Variants in CELF2 observed in about 807,000 individuals in gnomAD.
The protein encoded by CELF2 is CUGBP Elav-like family member 2.
In CELF2, 8 loss-of-function variants were observed where a neutral mutation model predicts 62.6. The ratio of observed to expected loss-of-function variants is 0.13; its 90% CI spans 0.07 to 0.23. CELF2 has a LOEUF of 0.23. CELF2 is among the 10% of genes least tolerant of loss of function. The pLI, the probability that CELF2 is intolerant of heterozygous loss-of-function variation, is 1.00. For synonymous variants in CELF2, 258 were observed against 250.0 expected, an observed-to-expected ratio of 1.03 and a Z score of -0.30; for missense variants, 333 against 671.0, an observed-to-expected ratio of 0.50 and a Z score of 5.56.
the CELF2 span, among the ~76,000 whole-genome samples, chr10:10,546,070 A>C: frequency 6.6e-6 from 1 of 152,186 alleles, no homozygotes; most frequent in East Asian, 1.9e-4. Context: ...AATCAGGAAA[A>C]GAAATCTGAC....
chr10:11,063,071 C>T (rs918849499), intron 1 of CELF2, among the ~76,000 whole-genome samples: 1 of 152,166 alleles, frequency 6.6e-6, no homozygotes, highest in Non-Finnish European at 1.5e-5. Context: ...CATTAAGATA[C>T]GTACTTTTTA....
chr10:10,518,412 T>C, the CELF2 span, among the ~76,000 whole-genome samples: 1 of 152,190 alleles, frequency 6.6e-6, no homozygotes, highest in Admixed American at 6.5e-5. Context: ...GGAGATTGTA[T>C]TTCACCTTCC....
At chr10:10,752,692 A>AAT in the CELF2 span, among the ~76,000 whole-genome samples, 1 of 145,402 alleles carries the variant, frequency 6.9e-6, no homozygotes, top group Non-Finnish European at 1.5e-5. Context: ...CCGTCTCAAA[A>AAT]AAAAAAAAAA....
chr10:10,542,927 T>C, the CELF2 span, among the ~76,000 whole-genome samples: 1 of 152,202 alleles, frequency 6.6e-6, no homozygotes, highest in Admixed American at 6.5e-5. Flanking sequence ...ATTTTTATAT[T>C]AATATATGAC....
At chr10:10,809,256 C>T (rs901300922) in intron 1 of CELF2, among the ~76,000 whole-genome samples, 14 of 152,178 alleles carry the variant, frequency 9.2e-5, no homozygotes, top group African/African-American at 3.4e-4. Context: ...AAGGTGCTGT[C>T]TGCAAGCCAG....
chr10:11,069,922 G>A (rs546487514), intron 1 of CELF2, among the ~76,000 whole-genome samples: 1 of 152,308 alleles, frequency 6.6e-6, no homozygotes, highest in African/African-American at 2.4e-5. Context: ...TTTGTAAGGT[G>A]GATATATTCC....
Position 11,237,532 on chromosome 10 carries a change from C to G in CELF2, c.355-11621C>G, listed in dbSNP as rs1289399193. Among the ~76,000 whole-genome samples the G allele has an allele frequency of 6.6e-6, 1 of 152,194 alleles. No individual in the cohort carries two copies. The highest frequency in any genetic ancestry group is 6.5e-5 in the Admixed American group (1 of 15,278). The stretch of plus-strand genomic sequence containing the variant: ...GAAGATCCAGGTGAGGAGACTTGTT[C>G]CCAATTTGAGGCCAGCACATGTACC... On this transcript the variant is annotated intron_variant, in intron 3 of 12. Coordinates refer to ENST00000633077, the MANE Select transcript of CELF2 (RefSeq NM_001326342.2). The surrounding 1 kb of genome is among the most constrained non-coding windows in gnomAD (Gnocchi z 4.0).
At chr10:11,081,095 AG>A (rs1459913229) in intron 1 of CELF2, among the ~76,000 whole-genome samples, 1 of 151,394 alleles carries the variant, frequency 6.6e-6, no homozygotes, top group Non-Finnish European at 1.5e-5. Flanking sequence ...ATTTGGGGAT[AG>A]GGGGCAATTC....
Position 11,165,657 on chromosome 10 carries a change from G to C in CELF2, c.246G>C (p.Arg82=). The C allele has an allele frequency of 1.2e-6, 2 of 1,613,896 alleles. No individual in the cohort carries two copies. Among genetic ancestry groups the C allele is most frequent in the South Asian group, 2.2e-5 (2 of 91,076 alleles). Reference sequence around the variant, plus strand: ...ACCAGATCAACGTCCTCCGGGACCGGAGTCAGAACCCTCCGCAGAGTAAAG... The same window carrying C: ...ACCAGATCAACGTCCTCCGGGACCGCAGTCAGAACCCTCCGCAGAGTAAAG... ...AVYQINVLRD[R]SQNPPQSKGC... The change falls in exon 2 of 13, where the codon CGG becomes CGC. Residue 82 remains arginine, a synonymous_variant. Coordinates refer to ENST00000633077, the MANE Select transcript of CELF2 (RefSeq NM_001326342.2). This position sits in a 1 kb window ranked among gnomAD's most constrained non-coding sequence, Gnocchi z 7.4.
At chr10:11,236,308 AT>A (rs1229405320) in intron 3 of CELF2, among the ~76,000 whole-genome samples, 2 of 152,228 alleles carry the variant, frequency 1.3e-5, no homozygotes, top group African/African-American at 2.4e-5. Flanking sequence ...TTAGAGGGGT[AT>A]TCTTGTGGTG....
rs949705424 is a variant in CELF2, at chr10:11,117,593, A to T, written c.75-47893A>T. 6.6e-6 allele frequency among the ~76,000 whole-genome samples: 1 copy of T among 152,214 alleles called. No homozygotes were observed. Among genetic ancestry groups the T allele is most frequent in the South Asian group, 2.1e-4 (1 of 4,834 alleles). On this transcript the variant is annotated intron_variant, in intron 1 of 12. Transcript: ENST00000633077. This position sits in a 1 kb window ranked among gnomAD's most constrained non-coding sequence, Gnocchi z 4.1. Reference sequence around the variant, plus strand: ...TCTGACTCCATAATATTTATGATAAAAACAAAAACCACGTGTGTGATGGTA... The same window carrying T: ...TCTGACTCCATAATATTTATGATAATAACAAAAACCACGTGTGTGATGGTA...
intron 1 of CELF2, among the ~76,000 whole-genome samples, chr10:10,851,813 A>G (rs2059400690): frequency 6.6e-6 from 1 of 152,204 alleles, no homozygotes; most frequent in South Asian, 2.1e-4. Flanking sequence ...CATATTACCA[A>G]AGAAGGCATA....
At position 11,267,102 on chromosome 10, in the gene CELF2, G is replaced by A. The variant is rs1169717040; in HGVS notation, c.618+425G>A. Among the ~76,000 whole-genome samples, 6 of 152,172 alleles carry A rather than the reference G, an allele frequency of 3.9e-5. No individual in the cohort carries two copies. Among genetic ancestry groups the A allele is most frequent in the Non-Finnish European group, 7.4e-5 (5 of 68,024 alleles). ...CTGTGCTAAGTCCCAGGGTTCTTTC[G>A]TTTGTACAGGGTCAAGTTATCTTCC... On this transcript the variant is annotated intron_variant, in intron 6 of 12. Coordinates refer to ENST00000633077, the MANE Select transcript of CELF2 (RefSeq NM_001326342.2). This position sits in a 1 kb window ranked among gnomAD's most constrained non-coding sequence, Gnocchi z 4.4.
intron 1 of CELF2, among the ~76,000 whole-genome samples, chr10:10,883,358 A>G (rs1211681125): frequency 1.3e-5 from 2 of 152,236 alleles, no homozygotes; most frequent in African/African-American, 2.4e-5. Context: ...TGAGAAGTAC[A>G]GCATTTTTCG....
the CELF2 span, among the ~76,000 whole-genome samples, chr10:10,641,184 G>C: frequency 4.3e-4 from 65 of 152,232 alleles, no homozygotes; most frequent in Non-Finnish European, 7.4e-4. Flanking sequence ...GGCAGCATAC[G>C]GTTGTGGGAA....
In CELF2 at chr10:11,178,169, C is replaced by T. The variant is rs991327638; in HGVS notation, c.271+12487C>T. 6.6e-6 allele frequency among the ~76,000 whole-genome samples: 1 copy of T among 152,222 alleles called. No individual in the cohort carries two copies. Among genetic ancestry groups the T allele is most frequent in the African/African-American group, 2.4e-5 (1 of 41,460 alleles). On this transcript the variant is annotated intron_variant, in intron 2 of 12. Transcript: ENST00000633077. This position sits in a 1 kb window ranked among gnomAD's most constrained non-coding sequence, Gnocchi z 4.3. Reference sequence around the variant, plus strand: ...CCTGGTTCGGCGCAAAGAGGAAATGCGCGTTCTGTGCCCAGTCCTCGCTCC... The same window carrying T: ...CCTGGTTCGGCGCAAAGAGGAAATGTGCGTTCTGTGCCCAGTCCTCGCTCC...
chr10:10,974,783 C>T (rs778683722), intron 2 of CELF2, among the ~76,000 whole-genome samples: 16 of 152,180 alleles, frequency 1.1e-4, no homozygotes, highest in Non-Finnish European at 2.1e-4. Flanking sequence ...CACATTGAGC[C>T]CTGCCTGGTC....
rs545142606 is a variant in CELF2, at chr10:10,811,731, G to C, written c.53+12914G>C. Among the ~76,000 whole-genome samples, 63 of 152,282 alleles carry C rather than the reference G, an allele frequency of 4.1e-4. 1 individual carries two copies. The South Asian group carries it at 0.012, about 30-fold the overall frequency. ...GAGCCTTCTGAGGCAGACACTTTAA[G>C]GGGAATGGAATCACCCTGGGGATGT... On this transcript the variant is annotated intron_variant, in intron 1 of 13. Transcript: ENST00000636488.
intron 3 of CELF2, among the ~76,000 whole-genome samples, chr10:11,229,013 C>T (rs1446160686): frequency 6.6e-5 from 10 of 152,118 alleles, no homozygotes; most frequent in African/African-American, 2.4e-4. Context: ...AATTATAGAT[C>T]ACAGACCCTA....
Sources: allele counts gnomAD v4.1 joint callset (sites outside exome capture counted in the v4.1 genomes callset), GRCh38; gene constraint gnomAD v4.1.1; non-coding constraint Gnocchi (gnomAD v3.1); transcripts MANE v1.5; gene names NCBI Gene and HGNC (gene_info 2026-07-23, HGNC 2026-07-21).